COL3A1: variants seen among roughly 807,000 people sequenced by gnomAD.
COL3A1 encodes collagen type III alpha 1 chain.
A neutral mutation model predicts 200.9 loss-of-function variants in COL3A1; 46 were observed. The ratio of observed to expected loss-of-function variants is 0.23; its 90% CI spans 0.18 to 0.29. The LOEUF is 0.29. COL3A1 is among the 10% of genes least tolerant of loss of function. The pLI, the probability that COL3A1 is intolerant of heterozygous loss-of-function variation, is 1.00. For missense variants in COL3A1, 1,367 were observed against 1,917.6 expected, an observed-to-expected ratio of 0.71 and a Z score of 5.36; for synonymous variants, 650 against 628.0, an observed-to-expected ratio of 1.03 and a Z score of -0.52.
intron 1 of COL3A1, among the ~76,000 whole-genome samples, chr2:188,979,836 G>A (rs1368048571): frequency 6.6e-6 from 1 of 151,672 alleles, no homozygotes; most frequent in Non-Finnish European, 1.5e-5. Context: ...TTTAGAGAAA[G>A]CCTTCTTACA....
Position 189,010,338 on chromosome 2 carries a change from T to C in COL3A1, c.3984T>C (p.Phe1328=), listed in dbSNP as rs749456336. Residue 1328 remains phenylalanine, a synonymous_variant, in exon 49 of 51, where the codon TTT becomes TTC. Coordinates refer to ENST00000304636, the MANE Select transcript of COL3A1 (RefSeq NM_000090.4). ...GTGCTGAGAAGAAACACGTTTGGTT[T>C]GGAGAGTCCATGGATGGTGGTTTTC... ...DSSAEKKHVW[F]GESMDGGFQF... 35 of 1,614,158 alleles carry C rather than the reference T, an allele frequency of 2.2e-5. No homozygotes were observed. The highest frequency in any genetic ancestry group is 3.0e-5 in the Non-Finnish European group (35 of 1,180,002).
Position 188,999,281 on chromosome 2 carries a change from A to G in COL3A1, c.2023-4A>G. On this transcript the variant is annotated splice_region_variant and splice_polypyrimidine_tract_variant and intron_variant, in intron 29 of 50. Coordinates refer to ENST00000304636, the MANE Select transcript of COL3A1 (RefSeq NM_000090.4). ...ATATGGTTATTTACATATTTTTGTC[A>G]CAGGGTGATGCTGGTGCCCCTGGTG... 2 of 1,565,114 alleles carry G rather than the reference A, an allele frequency of 1.3e-6. No individual in the cohort carries two copies. The highest frequency in any genetic ancestry group is 1.7e-6 in the Non-Finnish European group (2 of 1,154,054).
At chr2:188,992,781 T>G in intron 14 of COL3A1, 106 bp from the exon 15 acceptor site, 1 of 886,874 alleles carries the variant, frequency 1.1e-6, no homozygotes, top group Non-Finnish European at 1.9e-6. Flanking sequence ...ATCATTTTTA[T>G]CTGCATAAAT....
chr2:188,991,600 G>C lies in COL3A1; in HGVS notation c.897+69G>C, dbSNP rs955291534. ...CTCATTGTTACCTAAAACTGGCTTT[G>C]CTCCCACCCCAACTGTTCTTACACA... On this transcript the variant is annotated intron_variant, in intron 12 of 50. Transcript: ENST00000304636. 21 of 1,606,268 alleles carry C rather than the reference G, an allele frequency of 1.3e-5. No homozygotes were observed. In the Admixed American group the frequency reaches 3.5e-4, roughly 27 times the overall value.
intron 7 of COL3A1, 76 bp downstream of exon 7, chr2:188,988,719 A>G (rs897819411): frequency 1.1e-4 from 105 of 980,898 alleles, no homozygotes; most frequent in Admixed American, 4.6e-4. Context: ...TAAAACAAGT[A>G]TAGGTCTTTA....
intron 50 of COL3A1, among the ~76,000 whole-genome samples, chr2:189,011,171 G>C (rs1559063951): frequency 6.6e-6 from 1 of 152,106 alleles, no homozygotes; most frequent in Non-Finnish European, 1.5e-5. Flanking sequence ...TATATGTTTT[G>C]AATAATACCT....
rs943287668 is a variant in COL3A1, at chr2:189,003,040, C to T, written c.2531C>T (p.Pro844Leu). Residue 844 changes from proline to leucine, a missense_variant, in exon 36 of 51, where the codon CCC (proline) becomes CTC (leucine). Physicochemically the swap from Pro to Leu is moderately conservative, Grantham distance 98. Coordinates refer to ENST00000304636, the MANE Select transcript of COL3A1 (RefSeq NM_000090.4). ...GGAGGCCCTCCTGGAGTTGCAGGAC[C>T]CCCTGGAGGTTCTGGACCTGCTGTA... Reference protein sequence around the residue: ...GEGGPPGVAGPPGGSGPAGPP... With the variant: ...GEGGPPGVAGLPGGSGPAGPP... 3.9e-6 allele frequency: 6 copies of T among 1,551,214 alleles called. No homozygotes were observed. The highest frequency in any genetic ancestry group is 5.2e-6 in the Non-Finnish European group (6 of 1,146,830).
intron 1 of COL3A1, among the ~76,000 whole-genome samples, chr2:188,983,251 A>G (rs1687992062): frequency 6.6e-6 from 1 of 151,966 alleles, no homozygotes; most frequent in Non-Finnish European, 1.5e-5. Context: ...TTAAAAAATG[A>G]AGCTTTCCTT....
Position 188,996,379 on chromosome 2 carries a change from T to A in COL3A1, c.1663-19T>A, listed in dbSNP as rs367750985. ...CTTCTCTTTATCAAACCTTTATTAA[T>A]GTAATTTTTTCTTATTAGGGAAGTC... is the stretch of plus-strand genomic sequence containing the variant. On this transcript the variant is annotated intron_variant, in intron 23 of 50. Transcript: ENST00000304636. 21 of 1,592,846 alleles carry A rather than the reference T, an allele frequency of 1.3e-5. No homozygotes were observed. Among genetic ancestry groups the A allele is most frequent in the South Asian group, 1.1e-5 (1 of 90,582 alleles).
In COL3A1 at chr2:188,988,071, C is replaced by A. The variant is rs2153501731; in HGVS notation, c.529-10C>A. 1 of 1,606,924 alleles carries A rather than the reference C, an allele frequency of 6.2e-7. No homozygotes were observed. The highest frequency in any genetic ancestry group is 1.1e-5 in the South Asian group (1 of 90,938). On this transcript the variant is annotated splice_polypyrimidine_tract_variant and intron_variant, in intron 5 of 50. Coordinates refer to ENST00000304636, the MANE Select transcript of COL3A1 (RefSeq NM_000090.4). ...ATTTATTTTGTTTTTCATTCAAATT[C>A]ACATTCCAGGGCCCCCCAGGCCCTC...
rs1688666675 is a variant in COL3A1 at position 189,009,219 on chromosome 2, G to A, written c.3821G>A (p.Ser1274Asn). Residue 1274 changes from serine to asparagine, a missense_variant and splice_region_variant, in exon 48 of 51, where the codon AGT (serine) becomes AAT (asparagine). Coordinates refer to ENST00000304636, the MANE Select transcript of COL3A1 (RefSeq NM_000090.4). ...DLKFCHPELK[S>N]GEYWVDPNQG... Reference sequence around the variant, plus strand: ...AAATTCTGCCATCCTGAACTCAAGAGTGGTATGTTTGGTAGTCTTTCATCT... The same window carrying A: ...AAATTCTGCCATCCTGAACTCAAGAATGGTATGTTTGGTAGTCTTTCATCT... 6.2e-7 allele frequency: 1 copy of A among 1,613,996 alleles called. No homozygotes were observed. Among genetic ancestry groups the A allele is most frequent in the Admixed American group, 1.7e-5 (1 of 60,004 alleles).
At chr2:188,983,008 T>G (rs1456366282) in intron 1 of COL3A1, among the ~76,000 whole-genome samples, 1 of 151,912 alleles carries the variant, frequency 6.6e-6, no homozygotes, top group Non-Finnish European at 1.5e-5. Context: ...TGCTCTTCTA[T>G]TAAATATATT....
At chr2:189,009,595 T>A (rs1688675001) in intron 48 of COL3A1, among the ~76,000 whole-genome samples, 1 of 152,268 alleles carries the variant, frequency 6.6e-6, no homozygotes, top group South Asian at 2.1e-4. Context: ...TTATTAAAAT[T>A]TTCAAATTAA....
Position 188,974,441 on chromosome 2 carries a change from T to C in COL3A1, c.-49T>C. On this transcript the variant is annotated 5_prime_UTR_variant, in exon 1 of 51. Transcript: ENST00000304636. ...ACTTGATGGTGCTACTTTGAACTGC[T>C]TTTCTTTTCTCCTTTTTGCACAAAG... 1 of 1,486,026 alleles carries C rather than the reference T, an allele frequency of 6.7e-7. No homozygotes were observed. 92.1% of individuals were successfully genotyped at this position (1,486,026 alleles called of 1,614,324 possible).
At chr2:188,979,578 C>A (rs41265581) in intron 1 of COL3A1, among the ~76,000 whole-genome samples, 4,223 of 151,706 alleles carry the variant, frequency 0.028, 95 homozygotes, top group African/African-American at 0.054. Flanking sequence ...TATAACCCTT[C>A]TTCATAAGGT....
chr2:188,994,066 G>C lies in COL3A1; in HGVS notation c.1178G>C (p.Gly393Ala). ...PGPPGINGSP[G>A]GKGEMGPAGI... ...CCTCCTGGGATTAATGGTAGTCCTGGTGGTAAAGGCGAAATGGTAAGCTGT... is the reference window on the plus strand; with the variant it reads ...CCTCCTGGGATTAATGGTAGTCCTGCTGGTAAAGGCGAAATGGTAAGCTGT... The change falls in exon 17 of 51, where the codon GGT becomes GCT. Residue 393 changes from glycine (G) to alanine (A), a missense_variant. By Grantham distance (60) the Gly-to-Ala change is moderately conservative. This residue lies in a region of COL3A1 where 462 missense variants were observed against 681.4 expected (regional missense o/e 0.68). Coordinates refer to ENST00000304636, the MANE Select transcript of COL3A1 (RefSeq NM_000090.4). This position sits in a 1 kb window ranked among gnomAD's most constrained non-coding sequence, Gnocchi z 4.5. The C allele has an allele frequency of 6.2e-7, 1 of 1,614,070 alleles. No individual in the cohort carries two copies. The highest frequency in any genetic ancestry group is 8.5e-7 in the Non-Finnish European group (1 of 1,179,976).
chr2:189,010,329 C>T lies in COL3A1; in HGVS notation c.3975C>T (p.His1325=), dbSNP rs1167154450. The change falls in exon 49 of 51, where the codon CAC becomes CAT. Residue 1325 remains histidine (H), a synonymous_variant. Coordinates refer to ENST00000304636, the MANE Select transcript of COL3A1 (RefSeq NM_000090.4). The part of the protein sequence containing the change: ...WWTDSSAEKK[H]VWFGESMDGG... ...CAGATTCTAGTGCTGAGAAGAAACA[C>T]GTTTGGTTTGGAGAGTCCATGGATG... 1.9e-6 allele frequency: 3 copies of T among 1,614,116 alleles called. No individual in the cohort carries two copies. The highest frequency in any genetic ancestry group is 3.3e-5 in the Admixed American group (2 of 60,026).
rs1374432752 is a variant in COL3A1, at chr2:188,974,426, G to C, written c.-64G>C. 1 of 1,250,116 alleles carries C rather than the reference G, an allele frequency of 8.0e-7. No individual in the cohort carries two copies. The highest frequency in any genetic ancestry group is 2.3e-5 in the East Asian group (1 of 42,904). 77.4% of individuals were successfully genotyped at this position (1,250,116 alleles called of 1,614,324 possible). ...GAAGGGCAGGGAACAACTTGATGGT[G>C]CTACTTTGAACTGCTTTTCTTTTCT... On this transcript the variant is annotated 5_prime_UTR_variant, in exon 1 of 51. Transcript: ENST00000304636.
chr2:189,010,489 A>C (rs1688697782), intron 49 of COL3A1, 124 bp downstream of exon 49: 2 of 1,476,166 alleles, frequency 1.4e-6, no homozygotes, highest in Admixed American at 1.7e-5. Flanking sequence ...TTGCTACTGA[A>C]AGTGATGGCA....
Sources: gnomAD v4.1 joint callset for allele counts (sites outside exome capture counted in the v4.1 genomes callset) on GRCh38, gnomAD v4.1.1 for gene constraint, gnomAD v4.1.1 regional missense constraint, Gnocchi (gnomAD v3.1) non-coding constraint, MANE v1.5 for transcripts, NCBI Gene and HGNC (gene_info 2026-07-23, HGNC 2026-07-21) for gene names.